DEFB134: variants seen among roughly 807,000 people sequenced by gnomAD.
DEFB134 encodes beta-defensin 134.
Under a neutral mutation model 7.4 loss-of-function variants are expected in DEFB134, and 7 were observed. The observed-to-expected ratio is 0.95, with a 90% CI of 0.54 to 1.79. The LOEUF (loss-of-function observed/expected upper bound fraction) is 1.79, where lower values mean the gene tolerates loss of function less well. DEFB134 is among the 40% of genes most tolerant of loss of function. DEFB134 has a pLI of 0.00. For synonymous variants in DEFB134, 33 were observed against 25.0 expected (o/e 1.32, Z -0.96); for missense variants, 105 against 74.8 (o/e 1.40, Z -1.49).
exon 2 of DEFB134, chr8:11,993,318 C>T (rs143375122): frequency 2.0e-5 from 3 of 152,348 alleles, no homozygotes; most frequent in Non-Finnish European, 4.4e-5. Flanking sequence ...GGAACCAACA[C>T]TAAACCACAG....
At chr8:11,994,596 C>T (rs572409114) in intron 1 of DEFB134, among the ~76,000 whole-genome samples, 1 of 152,178 alleles carries the variant, frequency 6.6e-6, no homozygotes, top group Non-Finnish European at 1.5e-5. Context: ...ATTTTGTTAT[C>T]GCAGCCCAAG....
chr8:11,999,339 C>A, upstream of DEFB134: 1 of 221,988 alleles, frequency 4.5e-6, no homozygotes, highest in East Asian at 1.1e-4. Flanking sequence ...TCAGAGAGGA[C>A]ATGCTCAGTG....
intron 1 of DEFB134, among the ~76,000 whole-genome samples, chr8:11,995,746 A>C (rs1169244705): frequency 6.6e-6 from 1 of 152,240 alleles, no homozygotes; most frequent in Non-Finnish European, 1.5e-5. Context: ...ACTTAGATAC[A>C]TTCTTGAATT....
intron 1 of DEFB134, 134 bp from the exon 3 acceptor site, chr8:11,994,256 T>C (rs965998259): frequency 2.7e-6 from 3 of 1,112,430 alleles, no homozygotes; most frequent in Non-Finnish European, 2.5e-6. Flanking sequence ...ACTGAAAAAA[T>C]TAATTAGTGG....
At chr8:11,999,208 TG>T, upstream of DEFB134, 1 of 204,202 alleles carries the variant, frequency 4.9e-6, no homozygotes, top group Non-Finnish European at 1.1e-5. Flanking sequence ...AGTGAGGGCG[TG>T]GGTTCATGAA....
chr8:11,995,478 T>C (rs1202922772), intron 1 of DEFB134, among the ~76,000 whole-genome samples: 1 of 152,208 alleles, frequency 6.6e-6, no homozygotes, highest in Non-Finnish European at 1.5e-5. Context: ...ATGAGATTGC[T>C]AAAGTCGGAA....
upstream of DEFB134, chr8:11,996,349 C>G: frequency 1.0e-5 from 14 of 1,392,386 alleles, no homozygotes; most frequent in Middle Eastern, 1.9e-4. Flanking sequence ...ATACAAACCT[C>G]TCAGGGCTGG....
At chr8:11,994,314 C>A (rs1340577987) in intron 1 of DEFB134, among the ~76,000 whole-genome samples, 192 bp from the exon 3 acceptor site, 1 of 152,156 alleles carries the variant, frequency 6.6e-6, no homozygotes, top group Non-Finnish European at 1.5e-5. Context: ...GAAACCCTCA[C>A]CCCTGATGTG....
chr8:11,998,465 A>T (rs1800183672), upstream of DEFB134, among the ~76,000 whole-genome samples: 1 of 152,058 alleles, frequency 6.6e-6, no homozygotes, highest in South Asian at 2.1e-4. Context: ...AAAAAATAAA[A>T]AAAATAAAAA....
At position 11,994,137 on chromosome 8, in the gene DEFB134, A is replaced by C. The variant is rs1800056647; in HGVS notation, c.59-15T>G. ...TGAATTTATACCTGGAAGGAAAATG[A>C]ATAGAAAGATAATTCACTACAGGCC... On this transcript the variant is annotated splice_polypyrimidine_tract_variant and intron_variant, in intron 1 of 1. Transcript: ENST00000526438. 1.2e-6 allele frequency: 2 copies of C among 1,607,810 alleles called. No individual in the cohort carries two copies. Among genetic ancestry groups the C allele is most frequent in the East Asian group, 4.5e-5 (2 of 44,780 alleles).
chr8:11,994,900 T>G (rs1369738806), intron 1 of DEFB134, among the ~76,000 whole-genome samples: 1 of 152,194 alleles, frequency 6.6e-6, no homozygotes, highest in East Asian at 1.9e-4. Flanking sequence ...ATGATGTATT[T>G]GCAATGTGGA....
upstream of DEFB134, among the ~76,000 whole-genome samples, chr8:11,998,892 G>C (rs1800195701): frequency 6.6e-6 from 1 of 152,164 alleles, no homozygotes; most frequent in Non-Finnish European, 1.5e-5. Context: ...AACCCTCAGA[G>C]ACTATTAGGA....
In DEFB134 at chr8:11,994,130, G is replaced by T. The variant is rs1418970098; in HGVS notation, c.59-8C>A. On this transcript the variant is annotated splice_region_variant and splice_polypyrimidine_tract_variant and intron_variant, in intron 1 of 1. Coordinates refer to ENST00000526438, the Ensembl canonical transcript of DEFB134. Reference sequence around the variant, plus strand: ...ATGATAATGAATTTATACCTGGAAGGAAAATGAATAGAAAGATAATTCACT... The same window carrying T: ...ATGATAATGAATTTATACCTGGAAGTAAAATGAATAGAAAGATAATTCACT... The T allele has an allele frequency of 6.2e-7, 1 of 1,607,414 alleles. No homozygotes were observed. The highest frequency in any genetic ancestry group is 8.5e-7 in the Non-Finnish European group (1 of 1,177,910).
At chr8:11,994,739 T>C (rs951541182) in intron 1 of DEFB134, among the ~76,000 whole-genome samples, 10 of 152,358 alleles carry the variant, frequency 6.6e-5, no homozygotes, top group African/African-American at 2.2e-4. Context: ...TTATTATTCA[T>C]AAACCAATTT....
chr8:11,994,032 G>A (rs144662024), exon 2 of DEFB134: 15 of 1,613,738 alleles, frequency 9.3e-6, no homozygotes, highest in Non-Finnish European at 1.7e-6. Flanking sequence ...CATACAGTAG[G>A]CAACTAACAT....
chr8:11,996,293 C>T lies in DEFB134; in HGVS notation c.-42G>A. On this transcript the variant is annotated 5_prime_UTR_variant, in exon 1 of 2. An upstream start codon of the reference 5' UTR is lost. Coordinates refer to ENST00000526438, the Ensembl canonical transcript of DEFB134. ...TAAGGAGGCTAGTGGCAGGGTCTGA[C>T]ATCGGCTGTCAGGGAACAGAGAGAA... is the stretch of plus-strand genomic sequence containing the variant. The T allele has an allele frequency of 2.5e-6, 4 of 1,608,004 alleles. No homozygotes were observed. The highest frequency in any genetic ancestry group is 3.4e-6 in the Non-Finnish European group (4 of 1,174,758).
At chr8:11,994,776 T>C (rs947758165) in intron 1 of DEFB134, among the ~76,000 whole-genome samples, 1 of 152,166 alleles carries the variant, frequency 6.6e-6, no homozygotes, top group Non-Finnish European at 1.5e-5. Context: ...TCAAGGACTG[T>C]TGGGGTACAG....
chr8:11,996,194 C>T, exon 1 of DEFB134: 1 of 1,613,650 alleles, frequency 6.2e-7, no homozygotes, highest in Non-Finnish European at 8.5e-7. Flanking sequence ...CCAGTTTTAC[C>T]TGCCAGCACT....
intron 1 of DEFB134, among the ~76,000 whole-genome samples, chr8:11,994,781 G>T (rs1800073339): frequency 6.6e-6 from 1 of 152,196 alleles, no homozygotes; most frequent in South Asian, 2.1e-4. Context: ...GACTGTTGGG[G>T]TACAGATTTG....
Sources: allele counts gnomAD v4.1 joint callset (sites outside exome capture counted in the v4.1 genomes callset), GRCh38; gene constraint gnomAD v4.1.1; transcripts MANE v1.5; gene names NCBI Gene and HGNC (gene_info 2026-07-23, HGNC 2026-07-21).